DPP6: variants seen among roughly 807,000 people sequenced by gnomAD.
DPP6 encodes the protein dipeptidyl peptidase like 6.
A neutral mutation model predicts 122.6 loss-of-function variants in DPP6; 69 were observed. That is an observed-to-expected ratio of 0.56 (90% confidence interval 0.46 to 0.69). The LOEUF (loss-of-function observed/expected upper bound fraction) is 0.69, where lower values mean the gene tolerates loss of function less well. Among genes scored for constraint, DPP6 ranks in the 30% least tolerant of loss-of-function variants. The pLI, the probability that DPP6 is intolerant of heterozygous loss-of-function variation, is 0.00. For missense variants in DPP6, 928 were observed against 1,116.9 expected (o/e 0.83, Z 2.41); for synonymous variants, 418 against 433.1 (o/e 0.97, Z 0.43).
chr7:153,976,196 A>G (rs1392115110), intron 1 of DPP6, among the ~76,000 whole-genome samples: 1 of 152,158 alleles, frequency 6.6e-6, no homozygotes, highest in Non-Finnish European at 1.5e-5. Context: ...GTCTGTATTG[A>G]AAGAAAAAGA....
intron 13 of DPP6, 47 bp from the exon 14 acceptor site, chr7:154,803,817 G>A: frequency 6.3e-7 from 1 of 1,591,774 alleles, no homozygotes; most frequent in Middle Eastern, 1.7e-4. Context: ...CCATGCTGGG[G>A]CCGGGACACC....
intron 6 of DPP6, among the ~76,000 whole-genome samples, chr7:154,651,126 GTACTAGTACTGCACTAGA>G (rs1836849949): frequency 6.6e-6 from 1 of 152,050 alleles, no homozygotes; most frequent in African/African-American, 2.4e-5. Flanking sequence ...ATAGCACTAG[GTACTAGTACTGCACTAGA>G]TACTAGCACT....
chr7:154,543,175 T>C (rs1348219390), intron 4 of DPP6, among the ~76,000 whole-genome samples: 2 of 152,336 alleles, frequency 1.3e-5, no homozygotes, highest in East Asian at 1.9e-4. Flanking sequence ...TGTGAGCTTG[T>C]ATAAATGATA....
chr7:154,427,534 A>C (rs1377325645), intron 1 of DPP6, among the ~76,000 whole-genome samples: 1 of 152,248 alleles, frequency 6.6e-6, no homozygotes, highest in East Asian at 1.9e-4. Context: ...TGAATATTGC[A>C]CATGAATCTT....
At chr7:153,885,027 T>C (rs1322642643), upstream of DPP6, among the ~76,000 whole-genome samples, 1 of 147,702 alleles carries the variant, frequency 6.8e-6, no homozygotes, top group African/African-American at 2.5e-5. Context: ...TATATGTTTG[T>C]CTTCTTGATT....
chr7:154,077,936 C>T (rs1363907220), intron 1 of DPP6, among the ~76,000 whole-genome samples: 3 of 151,974 alleles, frequency 2.0e-5, no homozygotes, highest in East Asian at 1.9e-4. Context: ...CCCAAAGTGT[C>T]GGGATTACAG....
chr7:154,500,737 A>T lies in DPP6; in HGVS notation c.457+25700A>T, dbSNP rs535885722. Among the ~76,000 whole-genome samples, 240 of 152,300 alleles carry T rather than the reference A, an allele frequency of 1.6e-3. 1 individual carries two copies. Among genetic ancestry groups the T allele is most frequent in the African/African-American group, 5.4e-3 (225 of 41,548 alleles). ...ACTGCGCAGTCTTGGGTATGTCTTT[A>T]TCAGCAGCCTGAAAATGGACTAATA... On this transcript the variant is annotated intron_variant, in intron 3 of 25. Coordinates refer to ENST00000377770, the MANE Select transcript of DPP6 (RefSeq NM_130797.4).
chr7:154,205,224 A>G (rs1563315154), intron 1 of DPP6, among the ~76,000 whole-genome samples: 1 of 151,936 alleles, frequency 6.6e-6, no homozygotes. Flanking sequence ...GAGCCCTTGT[A>G]CCCTTTCCCC....
chr7:154,584,556 G>A (rs187283725), intron 5 of DPP6, among the ~76,000 whole-genome samples: 55 of 152,356 alleles, frequency 3.6e-4, no homozygotes, highest in Non-Finnish European at 6.5e-4. Flanking sequence ...TTTCAGGGCC[G>A]CTCCCAGGCT....
chr7:154,014,987 T>C (rs1028652257), intron 1 of DPP6, among the ~76,000 whole-genome samples: 4 of 152,166 alleles, frequency 2.6e-5, no homozygotes, highest in East Asian at 1.9e-4. Flanking sequence ...AATTTTTCAT[T>C]CAGGCACTTG....
intron 1 of DPP6, among the ~76,000 whole-genome samples, chr7:154,381,506 C>T (rs999045135): frequency 1.3e-5 from 2 of 152,088 alleles, no homozygotes; most frequent in Admixed American, 6.5e-5. Context: ...TGTGTGTATA[C>T]ACATCTATAA....
At chr7:154,020,208 A>C (rs1197082185) in intron 1 of DPP6, among the ~76,000 whole-genome samples, 1 of 151,962 alleles carries the variant, frequency 6.6e-6, no homozygotes, top group Non-Finnish European at 1.5e-5. Flanking sequence ...TTCTGTGTCC[A>C]TGTGTTTTAA....
intron 1 of DPP6, among the ~76,000 whole-genome samples, chr7:153,926,550 G>C (rs1368562963): frequency 2.0e-5 from 3 of 152,170 alleles, no homozygotes; most frequent in Non-Finnish European, 4.4e-5. Context: ...CAGAAGGTAA[G>C]AGGTGTGATG....
chr7:154,398,822 G>A (rs188848303), intron 1 of DPP6, among the ~76,000 whole-genome samples: 11 of 152,174 alleles, frequency 7.2e-5, no homozygotes, highest in East Asian at 3.9e-4. Flanking sequence ...TATCTCAGAC[G>A]TTCTTTTCTT....
chr7:153,948,729 T>A (rs1305587874), intron 1 of DPP6, among the ~76,000 whole-genome samples: 1 of 149,892 alleles, frequency 6.7e-6, no homozygotes, highest in Non-Finnish European at 1.5e-5. Flanking sequence ...CTCTATAATA[T>A]AGACTACCTT....
intron 3 of DPP6, among the ~76,000 whole-genome samples, chr7:154,500,746 C>G (rs374122154): frequency 6.6e-6 from 1 of 152,084 alleles, no homozygotes; most frequent in African/African-American, 2.4e-5. Context: ...TATCAGCAGC[C>G]TGAAAATGGA....
At chr7:154,477,269 G>GCAGCACCAGCAC (rs58122844) in intron 3 of DPP6, among the ~76,000 whole-genome samples, 57,857 of 151,292 alleles carry the variant, frequency 0.38, 11,902 homozygotes, top group African/African-American at 0.52. Context: ...ACCACCACCA[G>GCAGCACCAGCAC]CAGCACCAGC....
intron 1 of DPP6, among the ~76,000 whole-genome samples, chr7:154,198,973 T>C (rs976306930): frequency 6.6e-5 from 10 of 151,914 alleles, no homozygotes; most frequent in Non-Finnish European, 1.0e-4. Flanking sequence ...TTGATCATCG[T>C]TATGGTCCTC....
chr7:154,126,572 A>T (rs1420578225), intron 1 of DPP6, among the ~76,000 whole-genome samples: 1 of 151,548 alleles, frequency 6.6e-6, no homozygotes, highest in Non-Finnish European at 1.5e-5. Flanking sequence ...TTCCAAGATG[A>T]ACATGGGTGT....
Sources: allele counts gnomAD v4.1 joint callset (sites outside exome capture counted in the v4.1 genomes callset), GRCh38; gene constraint gnomAD v4.1.1; transcripts MANE v1.5; gene names NCBI Gene and HGNC (gene_info 2026-07-23, HGNC 2026-07-21).